Variants in NELL1 observed in about 807,000 individuals in gnomAD.
The protein encoded by NELL1 is neural EGFL like 1.
A neutral mutation model predicts 107.4 loss-of-function variants in NELL1; 76 were observed. The ratio of observed to expected loss-of-function variants is 0.71; its 90% confidence interval spans 0.59 to 0.86. The LOEUF (loss-of-function observed/expected upper bound fraction) is 0.86, where lower values mean the gene tolerates loss of function less well. NELL1 is among the 40% of genes least tolerant of loss of function. The pLI, the probability that NELL1 is intolerant of heterozygous loss-of-function variation, is 0.00. For synonymous variants in NELL1, 353 were observed against 341.2 expected, an observed-to-expected ratio of 1.03 and a Z score of -0.38; for missense variants, 1,024 against 1,005.5, an observed-to-expected ratio of 1.02 and a Z score of -0.25.
chr11:20,730,985 T>A (rs1244597917), intron 2 of NELL1, among the ~76,000 whole-genome samples: 1 of 152,184 alleles, frequency 6.6e-6, no homozygotes, highest in Non-Finnish European at 1.5e-5. Context: ...CTCTGAAGAT[T>A]TTCTTTGGTC....
In NELL1 at chr11:21,566,622, A is replaced by G. The variant is rs185891194; in HGVS notation, c.1981-4142A>G. 4.5e-4 allele frequency among the ~76,000 whole-genome samples: 68 copies of G among 151,970 alleles called. 1 individual carries two copies. Among genetic ancestry groups the G allele is most frequent in the Non-Finnish European group, 4.6e-4 (31 of 67,910 alleles). On this transcript the variant is annotated intron_variant, in intron 17 of 19. Coordinates refer to ENST00000357134, the MANE Select transcript of NELL1 (RefSeq NM_006157.5). ...AAAAATACATCTTTGGCATATAAGT[A>G]GGGATTGTTCAAACCACCCAAGTTA...
chr11:21,110,455 T>C (rs1446711296), intron 12 of NELL1, among the ~76,000 whole-genome samples: 2 of 152,138 alleles, frequency 1.3e-5, no homozygotes, highest in Non-Finnish European at 2.9e-5. Flanking sequence ...AAGAAATAGC[T>C]TGGCTGGCTT....
intron 15 of NELL1, among the ~76,000 whole-genome samples, chr11:21,527,025 C>T (rs1237533538): frequency 1.1e-4 from 17 of 152,190 alleles, no homozygotes; most frequent in Admixed American, 1.1e-3. Flanking sequence ...TTCTACTGCA[C>T]CATTAGGCTG....
chr11:20,972,185 C>T (rs942758495), intron 12 of NELL1, among the ~76,000 whole-genome samples: 2 of 151,870 alleles, frequency 1.3e-5, no homozygotes, highest in African/African-American at 4.8e-5. Flanking sequence ...TATCCCAGAA[C>T]TTAAAGTAAA....
chr11:21,563,987 G>C (rs1220348757), intron 17 of NELL1, among the ~76,000 whole-genome samples: 2 of 151,846 alleles, frequency 1.3e-5, no homozygotes, highest in African/African-American at 4.8e-5. Context: ...AAAATATCAG[G>C]AACAAAAAGA....
chr11:21,065,141 A>G (rs1853837639), intron 12 of NELL1, among the ~76,000 whole-genome samples: 3 of 152,116 alleles, frequency 2.0e-5, no homozygotes, highest in Admixed American at 2.0e-4. Flanking sequence ...ATAGGCTCCT[A>G]AAAACCTTAT....
At chr11:21,055,422 G>A (rs1222645495) in intron 12 of NELL1, among the ~76,000 whole-genome samples, 2 of 151,952 alleles carry the variant, frequency 1.3e-5, no homozygotes, top group African/African-American at 2.4e-5. Context: ...GAGTGCTAAC[G>A]CTTTTATGTG....
chr11:21,410,495 T>A (rs1454868383), intron 15 of NELL1, among the ~76,000 whole-genome samples: 1 of 152,060 alleles, frequency 6.6e-6, no homozygotes, highest in Non-Finnish European at 1.5e-5. Context: ...TTATTCTTTT[T>A]TACATTTCCT....
intron 15 of NELL1, among the ~76,000 whole-genome samples, chr11:21,423,115 C>A (rs1852731395): frequency 6.6e-6 from 1 of 151,960 alleles, no homozygotes; most frequent in South Asian, 2.1e-4. Flanking sequence ...GCCTGTAAAC[C>A]CAGCACTTTG....
intron 10 of NELL1, among the ~76,000 whole-genome samples, chr11:20,945,163 T>C (rs1850936859): frequency 6.6e-6 from 1 of 152,112 alleles, no homozygotes; most frequent in Non-Finnish European, 1.5e-5. Flanking sequence ...GTACAAGTGA[T>C]TTATTAAGGT....
chr11:20,955,784 T>C (rs1851158191), intron 11 of NELL1, among the ~76,000 whole-genome samples: 1 of 152,238 alleles, frequency 6.6e-6, no homozygotes, highest in Non-Finnish European at 1.5e-5. Context: ...AATATTATTA[T>C]CTTTCAGAAT....
intron 15 of NELL1, among the ~76,000 whole-genome samples, chr11:21,526,020 A>G (rs969162161): frequency 6.6e-6 from 1 of 152,280 alleles, no homozygotes; most frequent in Non-Finnish European, 1.5e-5. Context: ...TTCAGCATTA[A>G]CTCAGAAGTC....
chr11:21,146,913 G>A lies in NELL1; in HGVS notation c.1426+33199G>A, dbSNP rs374009233. On this transcript the variant is annotated intron_variant, in intron 13 of 19. Coordinates refer to ENST00000357134, the MANE Select transcript of NELL1 (RefSeq NM_006157.5). ...ACAAAAATTAGCTGTGTGCGGTGGC[G>A]TGTGACTGTAGTCCCAGCCACTTGG... Among the ~76,000 whole-genome samples the A allele has an allele frequency of 1.1e-3, 162 of 152,216 alleles. 4 individuals carry two copies. In the South Asian group the frequency reaches 0.031, roughly 29 times the overall value.
chr11:21,096,944 TG>T (rs1854658244), intron 12 of NELL1, among the ~76,000 whole-genome samples: 2 of 152,044 alleles, frequency 1.3e-5, no homozygotes, highest in South Asian at 2.1e-4. Context: ...CTTCAACTCC[TG>T]GGTTTGAGTA....
chr11:21,068,134 T>G (rs528862412), intron 12 of NELL1, among the ~76,000 whole-genome samples: 1 of 151,444 alleles, frequency 6.6e-6, no homozygotes, highest in South Asian at 2.1e-4. Flanking sequence ...TGGAGATGTA[T>G]TCATTCTGGT....
At chr11:21,335,103 T>C (rs745917496) in intron 14 of NELL1, among the ~76,000 whole-genome samples, 2 of 152,028 alleles carry the variant, frequency 1.3e-5, no homozygotes, top group African/African-American at 4.8e-5. Flanking sequence ...TTATTACCCT[T>C]TAAAACTCAT....
At chr11:21,338,598 T>C (rs989602294) in intron 14 of NELL1, among the ~76,000 whole-genome samples, 1 of 152,166 alleles carries the variant, frequency 6.6e-6, no homozygotes, top group African/African-American at 2.4e-5. Context: ...CCCAGACTTA[T>C]AGGAACAGAG....
intron 14 of NELL1, among the ~76,000 whole-genome samples, chr11:21,320,730 A>C (rs867038737): frequency 6.6e-6 from 1 of 152,318 alleles, no homozygotes; most frequent in Admixed American, 6.5e-5. Context: ...GCTAGACATC[A>C]GCTCTAAAAG....
chr11:20,825,933 G>T (rs1012255467), intron 3 of NELL1, among the ~76,000 whole-genome samples: 1 of 151,276 alleles, frequency 6.6e-6, no homozygotes, highest in Non-Finnish European at 1.5e-5. Flanking sequence ...GAGGGACCTT[G>T]TGGGAGGTGA....
Sources: gnomAD v4.1 joint callset for allele counts (sites outside exome capture counted in the v4.1 genomes callset) on GRCh38, gnomAD v4.1.1 for gene constraint, MANE v1.5 for transcripts, NCBI Gene and HGNC (gene_info 2026-07-23, HGNC 2026-07-21) for gene names.